Variants in HTR4 observed in about 807,000 individuals in gnomAD.
HTR4 encodes the protein 5-hydroxytryptamine receptor 4.
A neutral mutation model predicts 36.8 loss-of-function variants in HTR4; 16 were observed. The ratio of observed to expected loss-of-function variants is 0.43; its 90% CI spans 0.29 to 0.66. The LOEUF (loss-of-function observed/expected upper bound fraction) is 0.66, where lower values mean the gene tolerates loss of function less well. Ranked by LOEUF, HTR4 falls within the 30% of genes least tolerant of loss-of-function variation. The pLI is 0.13. For missense variants in HTR4, 438 were observed against 490.9 expected (o/e 0.89, Z 1.02); for synonymous variants, 189 against 185.1 (o/e 1.02, Z -0.17).
At chr5:148,606,155 T>C (rs1752154811) in intron 2 of HTR4, among the ~76,000 whole-genome samples, 1 of 150,410 alleles carries the variant, frequency 6.6e-6, no homozygotes, top group South Asian at 2.1e-4. Context: ...GTAGAGCAGG[T>C]GTCCTTTCAA....
chr5:148,613,393 T>G (rs907369976), intron 2 of HTR4, among the ~76,000 whole-genome samples: 1 of 151,150 alleles, frequency 6.6e-6, no homozygotes, highest in Non-Finnish European at 1.5e-5. Context: ...AATTAATAAA[T>G]GTAATCCAGC....
intron 2 of HTR4, among the ~76,000 whole-genome samples, chr5:148,610,588 A>G (rs1752382256): frequency 6.6e-6 from 1 of 152,170 alleles, no homozygotes; most frequent in Non-Finnish European, 1.5e-5. Context: ...AAAACAGAAC[A>G]GAAAAACTGG....
chr5:148,634,888 T>C (rs1311452940), intron 2 of HTR4, among the ~76,000 whole-genome samples: 2 of 152,172 alleles, frequency 1.3e-5, no homozygotes, highest in Non-Finnish European at 2.9e-5. Flanking sequence ...CTTTTCCAAG[T>C]GGGGACATCC....
chr5:148,550,867 G>A (rs759204934), intron 2 of HTR4, among the ~76,000 whole-genome samples: 20 of 152,048 alleles, frequency 1.3e-4, no homozygotes, highest in Non-Finnish European at 2.5e-4. Context: ...ATCACCTTGT[G>A]GCATAATCCA....
chr5:148,527,847 C>T (rs927869888), intron 4 of HTR4, among the ~76,000 whole-genome samples: 3 of 152,158 alleles, frequency 2.0e-5, no homozygotes, highest in African/African-American at 7.2e-5. Context: ...TTCCTGGCCT[C>T]AAGTGATTCA....
At chr5:148,633,446 T>C (rs942489580) in intron 2 of HTR4, among the ~76,000 whole-genome samples, 1 of 151,830 alleles carries the variant, frequency 6.6e-6, no homozygotes, top group Non-Finnish European at 1.5e-5. Context: ...TAGTTACATA[T>C]GTATACATGT....
chr5:148,500,391 C>T (rs1756883635), intron 6 of HTR4, among the ~76,000 whole-genome samples: 2 of 151,714 alleles, frequency 1.3e-5, no homozygotes, highest in Non-Finnish European at 1.5e-5. Context: ...GGAAGAGCCT[C>T]TAAAAGAGAC....
At chr5:148,596,871 G>T (rs1761798717) in intron 2 of HTR4, among the ~76,000 whole-genome samples, 1 of 152,182 alleles carries the variant, frequency 6.6e-6, no homozygotes, top group Non-Finnish European at 1.5e-5. Context: ...TAGTGAACAA[G>T]ATGGCTATGG....
At chr5:148,521,520 C>A (rs1455085976) in intron 5 of HTR4, among the ~76,000 whole-genome samples, 1 of 151,702 alleles carries the variant, frequency 6.6e-6, no homozygotes, top group Non-Finnish European at 1.5e-5. Context: ...AGTGTGCCGG[C>A]ATTTGGACAG....
At chr5:148,586,278 T>A (rs1002115874) in intron 2 of HTR4, among the ~76,000 whole-genome samples, 1 of 152,084 alleles carries the variant, frequency 6.6e-6, no homozygotes, top group East Asian at 1.9e-4. Flanking sequence ...TCTAGGCTCC[T>A]GAGACAATCT....
chr5:148,571,758 A>C (rs1290887013), intron 2 of HTR4, among the ~76,000 whole-genome samples: 1 of 152,014 alleles, frequency 6.6e-6, no homozygotes, highest in Non-Finnish European at 1.5e-5. Context: ...AGCTCAGAGA[A>C]TGTCAAAGGT....
chr5:148,642,896 C>CA (rs1267644969), intron 1 of HTR4, among the ~76,000 whole-genome samples: 3 of 151,484 alleles, frequency 2.0e-5, no homozygotes, highest in Non-Finnish European at 4.4e-5. Context: ...AGTCCCTCAC[C>CA]AAAAAAACCA....
intron 2 of HTR4, among the ~76,000 whole-genome samples, chr5:148,584,206 C>A (rs184446004): frequency 2.6e-5 from 4 of 152,094 alleles, no homozygotes; most frequent in Non-Finnish European, 4.4e-5. Flanking sequence ...GTTAGCAAAA[C>A]CTTCTAAGAG....
chr5:148,473,132 T>C (rs960584107), downstream of HTR4, among the ~76,000 whole-genome samples: 1 of 151,874 alleles, frequency 6.6e-6, no homozygotes, highest in Admixed American at 6.6e-5. Flanking sequence ...ACCCCGTCTC[T>C]ACTAAAAATA....
chr5:148,567,921 G>A (rs17108423), intron 2 of HTR4, among the ~76,000 whole-genome samples: 31,357 of 151,962 alleles, frequency 0.21, 3,866 homozygotes, highest in African/African-American at 0.33. Flanking sequence ...TAAGTGCCAC[G>A]AAAGCAGAGG....
chr5:148,512,915 A>T (rs1054962037), intron 5 of HTR4, among the ~76,000 whole-genome samples: 7 of 152,066 alleles, frequency 4.6e-5, no homozygotes, highest in Non-Finnish European at 4.4e-5. Flanking sequence ...TGGGTGACAG[A>T]GTGAGACTCA....
At chr5:148,598,382 T>C (rs567425751) in intron 2 of HTR4, among the ~76,000 whole-genome samples, 1 of 151,916 alleles carries the variant, frequency 6.6e-6, no homozygotes, top group Non-Finnish European at 1.5e-5. Context: ...CCATCTCTAC[T>C]AAAAATACAA....
intron 5 of HTR4, among the ~76,000 whole-genome samples, chr5:148,451,956 A>G (rs750810758): frequency 1.3e-5 from 2 of 152,178 alleles, no homozygotes; most frequent in African/African-American, 4.8e-5. Flanking sequence ...AGCCATTCCT[A>G]TGAAATTTCT....
At chr5:148,633,042 C>T (rs1753382170) in intron 2 of HTR4, among the ~76,000 whole-genome samples, 1 of 152,050 alleles carries the variant, frequency 6.6e-6, no homozygotes, top group Admixed American at 6.6e-5. Context: ...CCTCCGGAGC[C>T]TTGAGGAGGA....
Sources: gnomAD v4.1 joint callset for allele counts (sites outside exome capture counted in the v4.1 genomes callset) on GRCh38, gnomAD v4.1.1 for gene constraint, MANE v1.5 for transcripts, NCBI Gene and HGNC (gene_info 2026-07-23, HGNC 2026-07-21) for gene names.